The following GUCY1A2 variants were observed in gnomAD, a reference collection of about 807,000 sequenced individuals.
GUCY1A2 encodes the protein guanylate cyclase soluble subunit alpha-2.
GUCY1A2 carries 27 observed loss-of-function variants against 63.5 expected under a neutral mutation model. The ratio of observed to expected loss-of-function variants is 0.43; its 90% CI spans 0.31 to 0.59. GUCY1A2 has a LOEUF of 0.59. GUCY1A2 is among the 20% of genes least tolerant of loss of function. GUCY1A2 has a pLI of 0.11. For missense variants in GUCY1A2, 768 were observed against 913.3 expected (o/e 0.84, Z 2.05); for synonymous variants, 364 against 343.5 (o/e 1.06, Z -0.66).
chr11:107,016,371 A>G (rs977442219), intron 1 of GUCY1A2, among the ~76,000 whole-genome samples: 1 of 152,270 alleles, frequency 6.6e-6, no homozygotes, highest in Middle Eastern at 3.2e-3. Context: ...TCTGTCTGCA[A>G]CAGAGTGGAT....
At chr11:106,796,209 A>C (rs982541569) in intron 5 of GUCY1A2, among the ~76,000 whole-genome samples, 9 of 152,128 alleles carry the variant, frequency 5.9e-5, no homozygotes, top group African/African-American at 2.2e-4. Flanking sequence ...GTCTCTGCAC[A>C]TGAGATGGGT....
intron 5 of GUCY1A2, among the ~76,000 whole-genome samples, chr11:106,801,453 T>A (rs973265371): frequency 2.6e-5 from 4 of 152,186 alleles, no homozygotes; most frequent in African/African-American, 9.7e-5. Flanking sequence ...CCACAATTAC[T>A]TTTGCACTAA....
intron 6 of GUCY1A2, among the ~76,000 whole-genome samples, chr11:106,760,302 A>G (rs759786151): frequency 1.3e-5 from 2 of 152,166 alleles, no homozygotes; most frequent in African/African-American, 2.4e-5. Context: ...GTAGAATAGA[A>G]AGTGGCAGAA....
intron 4 of GUCY1A2, among the ~76,000 whole-genome samples, chr11:106,818,410 G>A (rs551143756): frequency 1.2e-4 from 18 of 152,104 alleles, no homozygotes; most frequent in Non-Finnish European, 2.1e-4. Context: ...AACCACACCC[G>A]TATAAGACAG....
At position 106,941,432 on chromosome 11, in the gene GUCY1A2, T is replaced by C. The variant is rs536888489; in HGVS notation, c.488-1254A>G. Reference sequence around the variant, plus strand: ...CACATACAAAAGATTTTGGCCTGCATATTAAAGACAGCTTCTACCTAAACT... The same window carrying C: ...CACATACAAAAGATTTTGGCCTGCACATTAAAGACAGCTTCTACCTAAACT... On this transcript the variant is annotated intron_variant, in intron 3 of 7. Coordinates refer to ENST00000526355, the MANE Select transcript of GUCY1A2 (RefSeq NM_000855.3). Among the ~76,000 whole-genome samples, 6 of 152,334 alleles carry C rather than the reference T, an allele frequency of 3.9e-5. No individual in the cohort carries two copies. In the East Asian group the frequency reaches 9.6e-4, roughly 24 times the overall value.
chr11:106,736,016 C>T (rs1041800423), intron 6 of GUCY1A2, among the ~76,000 whole-genome samples: 4 of 151,982 alleles, frequency 2.6e-5, no homozygotes, highest in African/African-American at 7.2e-5. Flanking sequence ...GAGCTCCCTA[C>T]ATATTCTGGT....
intron 4 of GUCY1A2, among the ~76,000 whole-genome samples, chr11:106,900,757 T>C (rs1409364716): frequency 1.3e-5 from 2 of 152,212 alleles, no homozygotes; most frequent in African/African-American, 2.4e-5. Context: ...GTTTACACTA[T>C]ACTGTAGTCT....
At position 106,722,680 on chromosome 11, in the gene GUCY1A2, T is replaced by C. The variant is rs1217910734; in HGVS notation, c.1837-14014A>G. Among the ~76,000 whole-genome samples, 5 of 152,162 alleles carry C rather than the reference T, an allele frequency of 3.3e-5. No homozygotes were observed. The East Asian group carries it at 9.7e-4, about 30-fold the overall frequency. On this transcript the variant is annotated intron_variant, in intron 6 of 7. Coordinates refer to ENST00000526355, the MANE Select transcript of GUCY1A2 (RefSeq NM_000855.3). ...TTATTTACGATTAGCCAGTCATCGA[T>C]CCCATTCAAGCAAACAAAAGAAAAA... is the stretch of plus-strand genomic sequence containing the variant.
At chr11:106,815,638 T>C (rs1858820830) in intron 4 of GUCY1A2, among the ~76,000 whole-genome samples, 1 of 151,978 alleles carries the variant, frequency 6.6e-6, no homozygotes, top group African/African-American at 2.4e-5. Context: ...GGTAAATACA[T>C]AGATTATCTT....
intron 6 of GUCY1A2, among the ~76,000 whole-genome samples, chr11:106,764,799 T>C (rs1433850746): frequency 6.6e-6 from 1 of 152,002 alleles, no homozygotes; most frequent in Non-Finnish European, 1.5e-5. Flanking sequence ...CAGTTTCCTA[T>C]ACTGAAAAAA....
chr11:106,883,890 G>C (rs1370013682), intron 4 of GUCY1A2, among the ~76,000 whole-genome samples: 3 of 152,182 alleles, frequency 2.0e-5, no homozygotes, highest in South Asian at 4.1e-4. Flanking sequence ...GTCCTTTGTA[G>C]GGACATGGAT....
intron 7 of GUCY1A2, among the ~76,000 whole-genome samples, chr11:106,696,971 T>C (rs1031391284): frequency 6.6e-6 from 1 of 152,182 alleles, no homozygotes; most frequent in East Asian, 1.9e-4. Flanking sequence ...AATTCTCTGG[T>C]TTCTTAATTT....
intron 6 of GUCY1A2, among the ~76,000 whole-genome samples, chr11:106,726,064 T>G (rs1863402508): frequency 6.6e-6 from 1 of 152,146 alleles, no homozygotes; most frequent in Non-Finnish European, 1.5e-5. Context: ...TAAGATTGAC[T>G]AAGTATATTT....
chr11:106,797,554 T>G (rs1293830687), intron 5 of GUCY1A2, among the ~76,000 whole-genome samples: 2 of 151,456 alleles, frequency 1.3e-5, no homozygotes, highest in African/African-American at 4.8e-5. Context: ...CAACAGAAAT[T>G]ATAACAAACT....
chr11:106,837,741 G>C (rs1245690864), intron 4 of GUCY1A2, among the ~76,000 whole-genome samples: 1 of 151,856 alleles, frequency 6.6e-6, no homozygotes, highest in Non-Finnish European at 1.5e-5. Flanking sequence ...TTGCTCAATG[G>C]TCTACTGTAT....
At chr11:106,755,988 C>T (rs1591263382) in intron 6 of GUCY1A2, among the ~76,000 whole-genome samples, 2 of 152,156 alleles carry the variant, frequency 1.3e-5, no homozygotes, top group Non-Finnish European at 2.9e-5. Context: ...GTCTAAGTCT[C>T]CTTGTAGGTT....
At chr11:106,900,352 T>C (rs1232566442) in intron 4 of GUCY1A2, among the ~76,000 whole-genome samples, 1 of 151,998 alleles carries the variant, frequency 6.6e-6, no homozygotes, top group African/African-American at 2.4e-5. Flanking sequence ...CCCAGCTAAT[T>C]TTTGTATTTT....
chr11:106,977,960 T>C (rs769913559), intron 3 of GUCY1A2, among the ~76,000 whole-genome samples: 1 of 152,118 alleles, frequency 6.6e-6, no homozygotes, highest in Non-Finnish European at 1.5e-5. Context: ...TGGAATACAA[T>C]GTAGCTCTCA....
At chr11:106,999,409 A>G (rs1861584311) in intron 1 of GUCY1A2, among the ~76,000 whole-genome samples, 1 of 152,218 alleles carries the variant, frequency 6.6e-6, no homozygotes, top group African/African-American at 2.4e-5. Flanking sequence ...ATTCATTTCT[A>G]TTAGTCACTC....
Sources: gnomAD v4.1 joint callset for allele counts (sites outside exome capture counted in the v4.1 genomes callset) on GRCh38, gnomAD v4.1.1 for gene constraint, MANE v1.5 for transcripts, NCBI Gene and HGNC (gene_info 2026-07-23, HGNC 2026-07-21) for gene names.